Variants in ANKS1B observed in about 807,000 individuals in gnomAD.
The protein encoded by ANKS1B is ankyrin repeat and sterile alpha motif domain containing 1B.
ANKS1B carries 36 observed loss-of-function variants against 148.3 expected under a neutral mutation model. That is an observed-to-expected ratio of 0.24 (90% CI 0.19 to 0.32). The LOEUF is 0.32. Among genes scored for constraint, ANKS1B ranks in the 10% least tolerant of loss-of-function variants. The probability of loss-of-function intolerance (pLI) is 1.00; values close to 1 mark genes in which losing one functional copy is unlikely to be tolerated. For synonymous variants in ANKS1B, 542 were observed against 560.8 expected, an observed-to-expected ratio of 0.97 and a Z score of 0.47; for missense variants, 1,157 against 1,542.6, an observed-to-expected ratio of 0.75 and a Z score of 4.19.
At position 99,572,378 on chromosome 12, in the gene ANKS1B, A is replaced by G. The variant is rs564374412; in HGVS notation, c.1273-67737T>C. Among the ~76,000 whole-genome samples, 3 of 152,056 alleles carry G rather than the reference A, an allele frequency of 2.0e-5. No individual in the cohort carries two copies. The South Asian group carries it at 6.2e-4, about 31-fold the overall frequency. ...TTTTTCTCCCATACTACATTTTCCT[A>G]TAGCTTTGTGAAATAATATGAGATT... is the stretch of plus-strand genomic sequence containing the variant. On this transcript the variant is annotated intron_variant, in intron 9 of 26. Coordinates refer to ENST00000683438, the MANE Select transcript of ANKS1B (RefSeq NM_001352186.2).
chr12:99,585,716 T>G (rs1461556796), intron 9 of ANKS1B, among the ~76,000 whole-genome samples: 1 of 152,220 alleles, frequency 6.6e-6, no homozygotes, highest in African/African-American at 2.4e-5. Context: ...TCTTGTCTTG[T>G]GTACACTGAC....
At position 98,745,162 on chromosome 12, in the gene ANKS1B, A is replaced by G; in HGVS notation, c.*577T>C. The G allele has an allele frequency of 1.0e-6, 1 of 985,836 alleles. No individual in the cohort carries two copies. Among genetic ancestry groups the G allele is most frequent in the Non-Finnish European group, 1.2e-6 (1 of 829,918 alleles). The allele number at this position is 985,836 out of a possible 1,614,324, so 61.1% of individuals were successfully genotyped here. A position where few individuals can be genotyped will look rare whatever the true frequency, so the allele number is the denominator to read the frequency against. ...TTCTTTCTCTGACATAGGTGATTAC[A>G]TATAAAATCCACAAATATAGAAATG... On this transcript the variant is annotated 3_prime_UTR_variant, in exon 27 of 27. Transcript: ENST00000683438.
At chr12:99,859,166 T>C (rs1469537992) in intron 1 of ANKS1B, among the ~76,000 whole-genome samples, 5 of 152,158 alleles carry the variant, frequency 3.3e-5, no homozygotes, top group African/African-American at 1.2e-4. Flanking sequence ...ACACTGAAGT[T>C]CCAGTAACCA....
chr12:99,180,659 A>G lies in ANKS1B; in HGVS notation c.2420-26264T>C, dbSNP rs2153854774. Among the ~76,000 whole-genome samples the G allele has an allele frequency of 1.3e-5, 2 of 149,984 alleles. 1 individual carries two copies. Among genetic ancestry groups the G allele is most frequent in the Middle Eastern group, 6.8e-3 (2 of 292 alleles). On this transcript the variant is annotated intron_variant, in intron 14 of 26. Coordinates refer to ENST00000683438, the MANE Select transcript of ANKS1B (RefSeq NM_001352186.2). ...TTTTTTTTTTTTTTAATCTGAACGAAATTTCAAAAAAGGGAATGCTTCTTA... is the reference window on the plus strand; with the variant it reads ...TTTTTTTTTTTTTTAATCTGAACGAGATTTCAAAAAAGGGAATGCTTCTTA...
At chr12:98,823,166 C>T (rs1359254719) in intron 19 of ANKS1B, among the ~76,000 whole-genome samples, 1 of 152,230 alleles carries the variant, frequency 6.6e-6, no homozygotes, top group Non-Finnish European at 1.5e-5. Flanking sequence ...CAGATATCAT[C>T]AACATTCCAG....
intron 12 of ANKS1B, among the ~76,000 whole-genome samples, chr12:99,369,256 A>T (rs1452484027): frequency 6.6e-6 from 1 of 152,224 alleles, no homozygotes; most frequent in East Asian, 1.9e-4. Context: ...CTTAAGCTAG[A>T]TGTGCCCAAG....
chr12:99,258,307 T>G (rs894765351), intron 12 of ANKS1B, among the ~76,000 whole-genome samples: 4 of 152,118 alleles, frequency 2.6e-5, no homozygotes, highest in East Asian at 1.9e-4. Flanking sequence ...AATTATGGCC[T>G]CAAATAAAGC....
At chr12:99,002,964 C>G (rs2099933932) in intron 17 of ANKS1B, among the ~76,000 whole-genome samples, 1 of 152,150 alleles carries the variant, frequency 6.6e-6, no homozygotes, top group South Asian at 2.1e-4. Context: ...TTCACAGTTT[C>G]AAGTCTTACA....
intron 2 of ANKS1B, among the ~76,000 whole-genome samples, chr12:99,823,219 T>C (rs776406450): frequency 2.0e-5 from 3 of 152,210 alleles, no homozygotes; most frequent in Non-Finnish European, 4.4e-5. Flanking sequence ...AGTTTATGAA[T>C]ATTTTCTCCC....
chr12:98,890,765 T>G (rs1277450924), intron 17 of ANKS1B, among the ~76,000 whole-genome samples: 4 of 152,264 alleles, frequency 2.6e-5, no homozygotes, highest in African/African-American at 9.6e-5. Flanking sequence ...AAATACAATG[T>G]TCTCTTGCCA....
intron 12 of ANKS1B, among the ~76,000 whole-genome samples, chr12:99,261,468 G>A (rs1179742524): frequency 6.6e-6 from 1 of 151,978 alleles, no homozygotes; most frequent in Non-Finnish European, 1.5e-5. Flanking sequence ...TAATTCCTTT[G>A]CTGGCCCCAG....
intron 12 of ANKS1B, among the ~76,000 whole-genome samples, chr12:99,331,091 T>C (rs1459274658): frequency 6.6e-6 from 1 of 151,998 alleles, no homozygotes; most frequent in African/African-American, 2.4e-5. Flanking sequence ...AATACAAGTT[T>C]ATAATTTTAT....
intron 14 of ANKS1B, among the ~76,000 whole-genome samples, chr12:99,242,431 A>C (rs1340675023): frequency 2.0e-5 from 3 of 152,168 alleles, no homozygotes; most frequent in African/African-American, 7.2e-5. Context: ...ATGCTCATGG[A>C]TAAGAAGAAT....
rs1279837216 is a variant in ANKS1B, at chr12:99,607,626, G to A, written c.1272+47441C>T. 2.0e-5 allele frequency among the ~76,000 whole-genome samples: 3 copies of A among 152,054 alleles called. No homozygotes were observed. In the East Asian group the frequency reaches 5.8e-4, roughly 29 times the overall value. On this transcript the variant is annotated intron_variant, in intron 9 of 26. Transcript: ENST00000683438. Reference sequence around the variant, plus strand: ...CCAATAATTCAAGACTCACTAGCTGGATTTGGCGGGACACGTTACCTGCTC... The same window carrying A: ...CCAATAATTCAAGACTCACTAGCTGAATTTGGCGGGACACGTTACCTGCTC...
rs137918923 is a variant in ANKS1B at position 99,116,072 on chromosome 12, G to T, written c.2527-31049C>A. 7.0e-3 allele frequency among the ~76,000 whole-genome samples: 1,059 copies of T among 152,146 alleles called. 13 individuals carry two copies. Among genetic ancestry groups the T allele is most frequent in the South Asian group, 0.045 (218 of 4,824 alleles). ...TCAATTTCCTCATCATTAAACTGGG[G>T]ATACCAATAGTTTCTATTGTGTAGG... is the stretch of plus-strand genomic sequence containing the variant. On this transcript the variant is annotated intron_variant, in intron 15 of 26. Coordinates refer to ENST00000683438, the MANE Select transcript of ANKS1B (RefSeq NM_001352186.2).
chr12:99,872,839 C>T (rs1038603382), intron 1 of ANKS1B, among the ~76,000 whole-genome samples: 1 of 152,074 alleles, frequency 6.6e-6, no homozygotes, highest in Admixed American at 6.6e-5. Context: ...TATATAGATA[C>T]ACCAATCCTA....
Position 99,376,332 on chromosome 12 carries a change from C to T in ANKS1B, c.1756+23299G>A, listed in dbSNP as rs376604837. ...TTTGCTTTCCTCTTGGATCCTGTTG[C>T]ACACTCAGGTGAGCATAGCTGTTAT... On this transcript the variant is annotated intron_variant, in intron 12 of 26. Coordinates refer to ENST00000683438, the MANE Select transcript of ANKS1B (RefSeq NM_001352186.2). Among the ~76,000 whole-genome samples the T allele has an allele frequency of 7.0e-4, 107 of 152,328 alleles. 2 individuals carry two copies. The South Asian group carries it at 0.021, about 30-fold the overall frequency.
chr12:99,005,381 A>T (rs1283215372), intron 17 of ANKS1B, among the ~76,000 whole-genome samples: 1 of 152,200 alleles, frequency 6.6e-6, no homozygotes, highest in Non-Finnish European at 1.5e-5. Flanking sequence ...TGCTCTGAGG[A>T]GGCTCAGTGC....
intron 25 of ANKS1B, among the ~76,000 whole-genome samples, chr12:98,761,068 G>A (rs948975094): frequency 3.9e-5 from 6 of 152,144 alleles, no homozygotes; most frequent in African/African-American, 1.2e-4. Flanking sequence ...CTCATTTTAC[G>A]TGTGAGAAAC....
Sources: gnomAD v4.1 joint callset for allele counts (sites outside exome capture counted in the v4.1 genomes callset) on GRCh38, gnomAD v4.1.1 for gene constraint, MANE v1.5 for transcripts, NCBI Gene and HGNC (gene_info 2026-07-23, HGNC 2026-07-21) for gene names.